The following CEP41 variants were observed in gnomAD, a reference collection of about 807,000 sequenced individuals.
The protein encoded by CEP41 is centrosomal protein 41.
A neutral mutation model predicts 44.3 loss-of-function variants in CEP41; 32 were observed. The observed-to-expected ratio is 0.72, with a 90% CI of 0.54 to 0.97. The LOEUF is 0.97. Among genes scored for constraint, CEP41 ranks in the 50% least tolerant of loss-of-function variants. The pLI, the probability that CEP41 is intolerant of heterozygous loss-of-function variation, is 0.00. For synonymous variants in CEP41, 151 were observed against 168.5 expected (o/e 0.90, Z 0.80); for missense variants, 432 against 455.2 (o/e 0.95, Z 0.46).
rs1200213581 is a variant in CEP41, at chr7:130,437,783, AAAAAAGAAAAAG to A, written c.33+3139_33+3150del. 2.4e-4 allele frequency among the ~76,000 whole-genome samples: 33 copies of A among 135,738 alleles called. 3 individuals carry two copies. The highest frequency in any genetic ancestry group is 8.5e-4 in the African/African-American group (30 of 35,142). 89.0% of individuals were successfully genotyped at this position (135,738 alleles called of 152,430 possible). ...CTGTCTCAAAAAAAAAAAAAAAAAA[AAAAAAGAAAAAG>A]AAAAAAAAAGATGTTGATGATTTTC... On this transcript the variant is annotated intron_variant, in intron 1 of 10. Transcript: ENST00000223208.
chr7:130,421,874 G>T, intron 2 of CEP41: 1 of 1,503,564 alleles, frequency 6.7e-7, no homozygotes, highest in Non-Finnish European at 8.8e-7. Flanking sequence ...GAAACCCAGA[G>T]AGGGTGCTTG....
intron 5 of CEP41, among the ~76,000 whole-genome samples, chr7:130,410,173 A>C (rs1406495102): frequency 3.3e-5 from 5 of 151,598 alleles, no homozygotes; most frequent in African/African-American, 4.8e-5. Context: ...TTACAGGTGC[A>C]CACCACCGTG....
chr7:130,402,588 A>T, intron 7 of CEP41, 60 bp downstream of exon 7: 3 of 1,573,200 alleles, frequency 1.9e-6, no homozygotes, highest in Non-Finnish European at 2.6e-6. Context: ...GCCTGCCTAG[A>T]CTCAAGAGCA....
At chr7:130,402,839 G>C (rs782179287) in intron 6 of CEP41, 40 bp from the exon 7 acceptor site, 3 of 1,611,750 alleles carry the variant, frequency 1.9e-6, no homozygotes, top group Non-Finnish European at 1.7e-6. Flanking sequence ...CTAGTCAGAG[G>C]TTGGTGGCTT....
rs1436231533 is a variant in CEP41, at chr7:130,398,399, C to A, written c.*492G>T. On this transcript the variant is annotated 3_prime_UTR_variant, in exon 11 of 11. Transcript: ENST00000223208. ...GGGTGGGGTCTGCAGGCGGCTGGAA[C>A]CTAAGGCTCATCTGCACCCTTGGAA... is the stretch of plus-strand genomic sequence containing the variant. 2.2e-5 allele frequency: 10 copies of A among 453,880 alleles called. No individual in the cohort carries two copies. The highest frequency in any genetic ancestry group is 1.9e-4 in the Admixed American group (8 of 42,544). The allele number at this position is 453,880 out of a possible 1,614,324, so 28.1% of individuals were successfully genotyped here.
chr7:130,395,494 A>G lies in CEP41; in HGVS notation c.*3397T>C, dbSNP rs530785805. 1 of 454,144 alleles carries G rather than the reference A, an allele frequency of 2.2e-6. No homozygotes were observed. Among genetic ancestry groups the G allele is most frequent in the Admixed American group, 2.3e-5 (1 of 42,584 alleles). 28.1% of individuals were successfully genotyped at this position (454,144 alleles called of 1,614,324 possible). A position where few individuals can be genotyped will look rare whatever the true frequency, so the allele number is the denominator to read the frequency against. On this transcript the variant is annotated 3_prime_UTR_variant, in exon 11 of 11. Transcript: ENST00000223208. ...TACTGATTATCTTCAGAGTAGAGCA[A>G]GAAGGTGGTCATGGATTTAAATCCA...
intron 2 of CEP41, among the ~76,000 whole-genome samples, chr7:130,423,139 G>A (rs1313186039): frequency 1.3e-5 from 2 of 152,058 alleles, no homozygotes; most frequent in Non-Finnish European, 2.9e-5. Context: ...GTGGAGACAG[G>A]GTTTCACCGT....
intron 1 of CEP41, among the ~76,000 whole-genome samples, chr7:130,428,867 T>C (rs1797742954): frequency 6.6e-6 from 1 of 151,666 alleles, no homozygotes. Context: ...GCGGAGATCG[T>C]GCCACTGCAC....
chr7:130,400,416 C>A, intron 9 of CEP41, 162 bp from the exon 10 acceptor site: 1 of 679,208 alleles, frequency 1.5e-6, no homozygotes, highest in Non-Finnish European at 2.7e-6. Flanking sequence ...CAAATTATAC[C>A]AGAAAATATC....
At chr7:130,417,337 G>A in intron 2 of CEP41, 4 of 1,089,264 alleles carry the variant, frequency 3.7e-6, no homozygotes, top group Non-Finnish European at 3.4e-6. Flanking sequence ...ATACACAGAA[G>A]AGGAGCAAAA....
rs532923072 is a variant in CEP41 at position 130,407,204 on chromosome 7, C to T, written c.278-2496G>A. ...TAACTTTTGTTCTTAATACTAATCC[C>T]AGAGGGATTTTTTTAAAACTTAAAA... On this transcript the variant is annotated intron_variant, in intron 5 of 10. Coordinates refer to ENST00000223208, the MANE Select transcript of CEP41 (RefSeq NM_018718.3). Among the ~76,000 whole-genome samples, 10 of 151,242 alleles carry T rather than the reference C, an allele frequency of 6.6e-5. No individual in the cohort carries two copies. The South Asian group carries it at 2.1e-3, about 32-fold the overall frequency.
At chr7:130,402,890 T>G (rs1796896974) in intron 6 of CEP41, 91 bp from the exon 7 acceptor site, 48 of 1,326,404 alleles carry the variant, frequency 3.6e-5, no homozygotes, top group Non-Finnish European at 5.1e-5. Context: ...AGGTGAGTGC[T>G]CAATGTCTTT....
rs782591147 is a variant in CEP41 at position 130,402,657 on chromosome 7, T to G, written c.565A>C (p.Ile189Leu). The change falls in exon 7 of 11, where the codon ATT (isoleucine) becomes CTT (leucine). Residue 189 changes from isoleucine to leucine, a missense_variant. Transcript: ENST00000223208. ...RDRDSYQQCHIVGAYSYPIAT... is the reference protein window; with the variant it reads ...RDRDSYQQCHLVGAYSYPIAT... ...GCCTTCTCTCTCTTACCTCCAACAA[T>G]GTGGCACTGCTGGTAAGAATCTCTA... is the stretch of plus-strand genomic sequence containing the variant. The G allele has an allele frequency of 6.2e-7, 1 of 1,614,076 alleles. No homozygotes were observed. Among genetic ancestry groups the G allele is most frequent in the South Asian group, 1.1e-5 (1 of 91,074 alleles).
In CEP41 at chr7:130,411,007, C is replaced by CA; in HGVS notation, c.277+114dup. On this transcript the variant is annotated intron_variant, in intron 5 of 10. Coordinates refer to ENST00000223208, the MANE Select transcript of CEP41 (RefSeq NM_018718.3). ...TTCCCTGAGAGTAACAATCTAATTACAAATAGATACATCAAAGTCCCAGTC... is the reference window on the plus strand; with the variant it reads ...TTCCCTGAGAGTAACAATCTAATTACAAAATAGATACATCAAAGTCCCAGTC... 25 of 895,212 alleles carry CA rather than the reference C, an allele frequency of 2.8e-5. No homozygotes were observed. In the South Asian group the frequency reaches 3.2e-4, roughly 11 times the overall value. The allele number at this position is 895,212 out of a possible 1,614,324, so 55.5% of individuals were successfully genotyped here.
chr7:130,419,469 C>A, intron 2 of CEP41: 1 of 982,220 alleles, frequency 1.0e-6, no homozygotes, highest in African/African-American at 1.8e-5. Flanking sequence ...TAGTTTCTGA[C>A]TACCTTTTAA....
chr7:130,436,476 T>G (rs1797967116), intron 1 of CEP41, among the ~76,000 whole-genome samples: 1 of 152,164 alleles, frequency 6.6e-6, no homozygotes, highest in Non-Finnish European at 1.5e-5. Flanking sequence ...TGATTGCAAA[T>G]CTACATATAT....
intron 3 of CEP41, among the ~76,000 whole-genome samples, chr7:130,416,467 A>G (rs1413923696): frequency 6.6e-6 from 1 of 152,246 alleles, no homozygotes; most frequent in Non-Finnish European, 1.5e-5. Context: ...ATAATGCATA[A>G]CACTAAGTTC....
chr7:130,417,305 T>C (rs929505079), intron 2 of CEP41: 7 of 1,113,386 alleles, frequency 6.3e-6, no homozygotes, highest in Non-Finnish European at 3.3e-6. Flanking sequence ...CTGCCCCCGC[T>C]GACGATCTTT....
chr7:130,430,263 C>T (rs550429552), intron 1 of CEP41, among the ~76,000 whole-genome samples: 2 of 152,124 alleles, frequency 1.3e-5, no homozygotes, highest in East Asian at 3.9e-4. Context: ...CAACTATCTG[C>T]TATTTTAACA....
Sources: allele counts gnomAD v4.1 joint callset (sites outside exome capture counted in the v4.1 genomes callset), GRCh38; gene constraint gnomAD v4.1.1; transcripts MANE v1.5; gene names NCBI Gene and HGNC (gene_info 2026-07-23, HGNC 2026-07-21).